Variants in ERC2 observed in about 807,000 individuals in gnomAD.
ERC2 encodes the protein ERC protein 2.
Under a neutral mutation model 114.8 loss-of-function variants are expected in ERC2, and 42 were observed. The ratio of observed to expected loss-of-function variants is 0.37; its 90% CI spans 0.29 to 0.47. ERC2 has a LOEUF of 0.47. ERC2 is among the 20% of genes least tolerant of loss of function. ERC2 has a pLI of 0.99. For synonymous variants in ERC2, 454 were observed against 425.5 expected (o/e 1.07, Z -0.82); for missense variants, 939 against 1,150.7 (o/e 0.82, Z 2.66).
At chr3:56,155,138 T>G (rs2081626346) in intron 4 of ERC2, among the ~76,000 whole-genome samples, 1 of 152,180 alleles carries the variant, frequency 6.6e-6, no homozygotes, top group Non-Finnish European at 1.5e-5. Flanking sequence ...TCTGCCCAGC[T>G]TCCTTTCCTT....
intron 2 of ERC2, among the ~76,000 whole-genome samples, chr3:56,400,765 T>C (rs2060490057): frequency 1.3e-5 from 2 of 152,250 alleles, no homozygotes; most frequent in South Asian, 2.1e-4. Flanking sequence ...TTCATTACTC[T>C]GTGGCCCAGA....
chr3:56,173,376 A>G, intron 4 of ERC2, 70 bp downstream of exon 4: 6 of 1,397,090 alleles, frequency 4.3e-6, no homozygotes, highest in South Asian at 1.2e-5. Flanking sequence ...TCATGTTTAT[A>G]TTAGGCACCA....
At chr3:55,624,436 A>G (rs1490004296) in intron 17 of ERC2, among the ~76,000 whole-genome samples, 2 of 152,180 alleles carry the variant, frequency 1.3e-5, no homozygotes, top group Non-Finnish European at 2.9e-5. Flanking sequence ...TGGGGCATGC[A>G]GGGTGGATGG....
intron 3 of ERC2, among the ~76,000 whole-genome samples, chr3:56,278,279 G>A (rs1310859242): frequency 6.6e-6 from 1 of 152,148 alleles, no homozygotes; most frequent in African/African-American, 2.4e-5. Flanking sequence ...CCCCTGAGAG[G>A]GACATCACAT....
intron 1 of ERC2, among the ~76,000 whole-genome samples, chr3:56,466,580 C>T (rs912462572): frequency 6.6e-6 from 1 of 152,128 alleles, no homozygotes; most frequent in South Asian, 2.1e-4. Flanking sequence ...TCTACTACTC[C>T]CCGGAAAGAA....
intron 6 of ERC2, among the ~76,000 whole-genome samples, chr3:56,117,059 T>C (rs1560200649): frequency 6.6e-6 from 1 of 152,320 alleles, no homozygotes; most frequent in Middle Eastern, 3.4e-3. Flanking sequence ...AAGACCACAG[T>C]AGTCAAAAGA....
At chr3:56,463,463 A>G (rs1012462801) in intron 1 of ERC2, among the ~76,000 whole-genome samples, 4 of 152,172 alleles carry the variant, frequency 2.6e-5, no homozygotes. Context: ...TCTAAGTCCA[A>G]GGGAGTCTTG....
At chr3:55,810,908 A>G (rs933146677) in intron 14 of ERC2, among the ~76,000 whole-genome samples, 5 of 152,214 alleles carry the variant, frequency 3.3e-5, no homozygotes, top group Admixed American at 2.6e-4. Context: ...CTAGATCTTT[A>G]TGTATCTGTC....
At chr3:55,797,676 C>T (rs1382172184) in intron 14 of ERC2, among the ~76,000 whole-genome samples, 4 of 152,040 alleles carry the variant, frequency 2.6e-5, no homozygotes, top group Non-Finnish European at 5.9e-5. Flanking sequence ...TAATTAACTA[C>T]AGAATATAAA....
chr3:56,303,909 A>G (rs1351896216), intron 2 of ERC2, among the ~76,000 whole-genome samples: 4 of 152,226 alleles, frequency 2.6e-5, no homozygotes, highest in African/African-American at 4.8e-5. Context: ...AGTCCAAAAA[A>G]TTCAGATTAA....
intron 17 of ERC2, among the ~76,000 whole-genome samples, chr3:55,546,495 CCA>C (rs2054763483): frequency 6.6e-6 from 1 of 152,180 alleles, no homozygotes; most frequent in Non-Finnish European, 1.5e-5. Flanking sequence ...CTGTCCATCT[CCA>C]CATTAGAATC....
At chr3:55,517,654 A>C (rs1279839431) in intron 17 of ERC2, among the ~76,000 whole-genome samples, 1 of 152,150 alleles carries the variant, frequency 6.6e-6, no homozygotes, top group Non-Finnish European at 1.5e-5. Flanking sequence ...CCTTGCCTGC[A>C]AGATGGTTCC....
chr3:55,674,962 TA>T (rs1332186778), intron 17 of ERC2, among the ~76,000 whole-genome samples: 1 of 152,146 alleles, frequency 6.6e-6, no homozygotes, highest in African/African-American at 2.4e-5. Flanking sequence ...AGTCTCCTTA[TA>T]AAGGCTCAGC....
chr3:56,144,467 G>GAC (rs1183843407), intron 5 of ERC2, among the ~76,000 whole-genome samples: 1 of 152,160 alleles, frequency 6.6e-6, no homozygotes, highest in Non-Finnish European at 1.5e-5. Context: ...ATCTGAAATT[G>GAC]ACACTCAAAA....
intron 2 of ERC2, among the ~76,000 whole-genome samples, chr3:56,339,058 C>T (rs1032119568): frequency 2.0e-5 from 3 of 152,190 alleles, no homozygotes; most frequent in Admixed American, 1.3e-4. Context: ...GTCTTGATTT[C>T]TACAACTTAG....
At chr3:56,090,625 A>G (rs1350671228) in intron 6 of ERC2, among the ~76,000 whole-genome samples, 1 of 152,128 alleles carries the variant, frequency 6.6e-6, no homozygotes, top group East Asian at 1.9e-4. Flanking sequence ...ACTAAATTCA[A>G]ATTGGAAATA....
At chr3:55,604,415 G>T (rs933539315) in intron 17 of ERC2, among the ~76,000 whole-genome samples, 1 of 151,996 alleles carries the variant, frequency 6.6e-6, no homozygotes, top group Admixed American at 6.5e-5. Flanking sequence ...TTTATAATGT[G>T]AAAAAAATAC....
intron 2 of ERC2, among the ~76,000 whole-genome samples, chr3:56,405,822 C>A (rs1471923107): frequency 1.3e-5 from 2 of 150,840 alleles, no homozygotes; most frequent in Non-Finnish European, 2.9e-5. Context: ...GATGAACATC[C>A]TTTTACTCTG....
At chr3:56,084,778 T>C (rs1207565198) in intron 6 of ERC2, among the ~76,000 whole-genome samples, 1 of 151,358 alleles carries the variant, frequency 6.6e-6, no homozygotes, top group Non-Finnish European at 1.5e-5. Context: ...AGGTGATGCG[T>C]ACACTGAAAT....
Sources: allele counts gnomAD v4.1 joint callset (sites outside exome capture counted in the v4.1 genomes callset), GRCh38; gene constraint gnomAD v4.1.1; transcripts MANE v1.5; gene names NCBI Gene and HGNC (gene_info 2026-07-23, HGNC 2026-07-21).